The following SEL1L2 variants were observed in gnomAD, a reference collection of about 807,000 sequenced individuals.
SEL1L2 encodes the protein protein sel-1 homolog 2.
In SEL1L2, 89 loss-of-function variants were observed where a neutral mutation model predicts 98.8. The ratio of observed to expected loss-of-function variants is 0.90; its 90% CI spans 0.76 to 1.07. The LOEUF is 1.07. Ranked by LOEUF, SEL1L2 falls within the 50% of genes least tolerant of loss-of-function variation. The probability of loss-of-function intolerance (pLI) is 0.00; values close to 1 mark genes in which losing one functional copy is unlikely to be tolerated. For missense variants in SEL1L2, 788 were observed against 812.0 expected (o/e 0.97, Z 0.36); for synonymous variants, 262 against 278.5 (o/e 0.94, Z 0.59).
chr20:13,863,138 G>A (rs757911978), intron 17 of SEL1L2, among the ~76,000 whole-genome samples: 5 of 152,182 alleles, frequency 3.3e-5, no homozygotes, highest in Non-Finnish European at 5.9e-5. Flanking sequence ...GAAGAAGCAG[G>A]AGGTCCAATG....
chr20:13,978,341 C>T (rs867845643), intron 1 of SEL1L2, among the ~76,000 whole-genome samples: 8 of 152,182 alleles, frequency 5.3e-5, no homozygotes, highest in Admixed American at 3.3e-4. Context: ...ACAAGGCATA[C>T]AAAAATCAAC....
At chr20:13,881,661 G>C (rs546783758) in intron 10 of SEL1L2, among the ~76,000 whole-genome samples, 4 of 152,174 alleles carry the variant, frequency 2.6e-5, no homozygotes, top group Admixed American at 2.6e-4. Context: ...AACGTTTTCT[G>C]TGATGACAAC....
chr20:13,865,218 C>A lies in SEL1L2; in HGVS notation c.1594G>T (p.Glu532Ter), dbSNP rs1441986470. 4 of 1,613,644 alleles carry A rather than the reference C, an allele frequency of 2.5e-6. No homozygotes were observed. The highest frequency in any genetic ancestry group is 1.3e-5 in the African/African-American group (1 of 74,912). ...AGAAGCGCCATTGGATACATCTTCT[C>A]TTTTTCAAGAATGTTAGCCTTTTCT... ...ESKKANILEK[E>*]KMYPMALLLW... The change falls in exon 17 of 20, where the codon GAG becomes TAG. Residue 532 changes from glutamate (E) to a stop codon, truncating the protein, a stop_gained. Transcript: ENST00000284951. LOFTEE classifies it high-confidence loss of function.
chr20:13,949,393 G>A (rs941324220), intron 2 of SEL1L2, among the ~76,000 whole-genome samples: 3 of 152,160 alleles, frequency 2.0e-5, no homozygotes, highest in Non-Finnish European at 2.9e-5. Context: ...GGCCGGGCGC[G>A]GTGGCTCACG....
At chr20:13,905,141 A>T (rs1006750028) in intron 5 of SEL1L2, among the ~76,000 whole-genome samples, 1 of 152,138 alleles carries the variant, frequency 6.6e-6, no homozygotes, top group Non-Finnish European at 1.5e-5. Flanking sequence ...CACTCTCTTT[A>T]GCAGAAAACT....
At chr20:13,849,630 A>G in intron 19 of SEL1L2, 26 bp from the exon 20 acceptor site, 1 of 1,611,342 alleles carries the variant, frequency 6.2e-7, no homozygotes, top group Non-Finnish European at 8.5e-7. Context: ...ATTCTCTCAA[A>G]AACAATCCAA....
intron 5 of SEL1L2, among the ~76,000 whole-genome samples, chr20:13,905,514 C>G (rs1349168047): frequency 1.3e-5 from 2 of 151,958 alleles, no homozygotes; most frequent in Non-Finnish European, 2.9e-5. Context: ...CAGGGTTTCA[C>G]CATGTTAGCC....
intron 5 of SEL1L2, among the ~76,000 whole-genome samples, chr20:13,909,903 G>A (rs559757262): frequency 6.6e-6 from 1 of 152,204 alleles, no homozygotes; most frequent in East Asian, 1.9e-4. Context: ...CCTGGGAGGT[G>A]GAGGTTGCAG....
intron 1 of SEL1L2, among the ~76,000 whole-genome samples, chr20:13,967,866 G>T (rs2051120381): frequency 6.6e-6 from 1 of 152,196 alleles, no homozygotes; most frequent in African/African-American, 2.4e-5. Context: ...ATGAGGGATA[G>T]AAGGGAGCTA....
chr20:13,891,663 C>CAAAAAAAAAAAAAA (rs61545047), intron 5 of SEL1L2, among the ~76,000 whole-genome samples: 1 of 74,246 alleles, frequency 1.3e-5, no homozygotes, highest in East Asian at 4.1e-4. Flanking sequence ...AAGACTCCAT[C>CAAAAAAAAAAAAAA]AAAAAAAAAA....
Position 13,865,517 on chromosome 20 carries a change from G to A in SEL1L2, c.1405-3C>T, listed in dbSNP as rs779355506. The A allele has an allele frequency of 6.2e-6, 10 of 1,609,478 alleles. 1 individual carries two copies. The South Asian group carries it at 6.6e-5, about 11-fold the overall frequency. On this transcript the variant is annotated splice_region_variant and splice_polypyrimidine_tract_variant and intron_variant, in intron 15 of 19. Coordinates refer to ENST00000284951, the MANE Select transcript of SEL1L2 (RefSeq NM_025229.2). ...AGTTCACAGACACCTTTATAAAGCT[G>A]TACATGAGAGGAGAAATCAAGGAGA...
intron 4 of SEL1L2, among the ~76,000 whole-genome samples, chr20:13,918,478 T>C (rs6079217): frequency 0.11 from 16,654 of 152,182 alleles, 1,005 homozygotes; most frequent in East Asian, 0.2. Flanking sequence ...GGCCACAGCT[T>C]GGTCACCTCC....
intron 5 of SEL1L2, among the ~76,000 whole-genome samples, chr20:13,901,571 AG>A (rs1356291681): frequency 6.6e-6 from 1 of 152,016 alleles, no homozygotes; most frequent in Non-Finnish European, 1.5e-5. Context: ...ATTATTTTGT[AG>A]TTTTATTGCT....
chr20:13,932,438 A>ATTTTT (rs1453374158), intron 2 of SEL1L2, among the ~76,000 whole-genome samples: 15 of 87,240 alleles, frequency 1.7e-4, no homozygotes, highest in Non-Finnish European at 3.9e-4. Flanking sequence ...TATTATTATT[A>ATTTTT]TTATTATTTT....
chr20:13,918,057 C>G (rs2048487389), intron 4 of SEL1L2, among the ~76,000 whole-genome samples: 1 of 152,054 alleles, frequency 6.6e-6, no homozygotes, highest in Non-Finnish European at 1.5e-5. Flanking sequence ...TCCCGAAGAG[C>G]TGGGATTACA....
At chr20:13,850,984 C>T (rs1437274334) in intron 18 of SEL1L2, among the ~76,000 whole-genome samples, 2 of 152,100 alleles carry the variant, frequency 1.3e-5, no homozygotes, top group South Asian at 2.1e-4. Flanking sequence ...CGCCTGTAGT[C>T]CCAGTACTTT....
chr20:13,877,061 A>G (rs2046466519), intron 11 of SEL1L2, among the ~76,000 whole-genome samples: 2 of 151,968 alleles, frequency 1.3e-5, no homozygotes, highest in East Asian at 3.9e-4. Flanking sequence ...CTGACCTCAA[A>G]CAATCCACCT....
chr20:13,917,692 G>A (rs1367080459), intron 4 of SEL1L2, among the ~76,000 whole-genome samples: 3 of 151,614 alleles, frequency 2.0e-5, no homozygotes, highest in Admixed American at 1.3e-4. Context: ...GCTCTGGGAT[G>A]CTTTCCTCTG....
chr20:13,951,067 G>A (rs1354456203), intron 2 of SEL1L2, among the ~76,000 whole-genome samples: 1 of 151,878 alleles, frequency 6.6e-6, no homozygotes, highest in Non-Finnish European at 1.5e-5. Flanking sequence ...ACAAGGTCAG[G>A]AGATCGAGAC....
Sources: allele counts gnomAD v4.1 joint callset (sites outside exome capture counted in the v4.1 genomes callset), GRCh38; gene constraint gnomAD v4.1.1; transcripts MANE v1.5; gene names NCBI Gene and HGNC (gene_info 2026-07-23, HGNC 2026-07-21).